XKRX: variants seen among roughly 807,000 people sequenced by gnomAD.
XKRX encodes the protein XK related X-linked.
Under a neutral mutation model 22.4 loss-of-function variants are expected in XKRX, and 11 were observed. That is an observed-to-expected ratio of 0.49 (90% CI 0.31 to 0.81). The LOEUF is 0.81. Ranked by LOEUF, XKRX falls within the 40% of genes least tolerant of loss-of-function variation. The pLI, the probability that XKRX is intolerant of heterozygous loss-of-function variation, is 0.05. For missense variants in XKRX, 320 were observed against 336.5 expected (o/e 0.95, Z 0.38); for synonymous variants, 114 against 132.2 (o/e 0.86, Z 0.94).
the XKRX span, among the ~76,000 whole-genome samples, chrX:100,952,434 C>A: frequency 1.8e-5 from 2 of 109,595 alleles, no homozygotes; most frequent in Non-Finnish European, 1.9e-5. Context: ...ATGCTTTCTC[C>A]AAAGATCAGA....
At position 100,922,809 on chromosome X, in the gene XKRX, C is replaced by A. The variant is rs758740476; in HGVS notation, c.588G>T (p.Glu196Asp). 1 of 1,211,408 alleles carries A rather than the reference C, an allele frequency of 8.3e-7. No individual in the cohort carries two copies. Among genetic ancestry groups the A allele is most frequent in the Admixed American group, 2.2e-5 (1 of 45,995 alleles). Residue 196 changes from glutamate (E) to aspartate (D), a missense_variant, in exon 2 of 3, where the codon GAG becomes GAT. Transcript: ENST00000372956. ...CCCACTCACCTCTACCCAGGGGAAC[C>A]TCTGCAGAGATCAGGCTCACATAGA... ...YQLYVSLISAEVPLGRVVLMV... is the reference protein window; with the variant it reads ...YQLYVSLISADVPLGRVVLMV...
At chrX:100,937,477 A>T in the XKRX span, among the ~76,000 whole-genome samples, 1 of 112,093 alleles carries the variant, frequency 8.9e-6, no homozygotes, top group Admixed American at 9.5e-5. Flanking sequence ...ACTTGAGGGC[A>T]GAGAAGGACT....
chrX:100,911,352 C>T (rs1182668155), downstream of XKRX: 2 of 832,545 alleles, frequency 2.4e-6, no homozygotes, highest in African/African-American at 4.0e-5. Flanking sequence ...GGTGTTATTA[C>T]CAAAGGTACT....
At chrX:100,904,864 C>T in the XKRX span, among the ~76,000 whole-genome samples, 1 of 112,044 alleles carries the variant, frequency 8.9e-6, no homozygotes, top group Non-Finnish European at 1.9e-5. Context: ...AGGGCTGGAG[C>T]CCAAAGCCAA....
chrX:100,894,189 C>T, the XKRX span, among the ~76,000 whole-genome samples: 2 of 111,565 alleles, frequency 1.8e-5, no homozygotes, highest in African/African-American at 6.5e-5. Flanking sequence ...ATTGCTTGAA[C>T]CCGGCAGGGG....
the XKRX span, among the ~76,000 whole-genome samples, chrX:100,890,323 T>C: frequency 9.0e-6 from 1 of 110,974 alleles, no homozygotes; most frequent in Non-Finnish European, 1.9e-5. Flanking sequence ...ATTGTCAGAC[T>C]GAATTCTATG....
At chrX:100,948,519 C>G in the XKRX span, among the ~76,000 whole-genome samples, 1 of 112,052 alleles carries the variant, frequency 8.9e-6, no homozygotes, top group East Asian at 2.8e-4. Flanking sequence ...GCTGGAGAAG[C>G]CTGCAACCTG....
At chrX:100,956,799 T>A in the XKRX span, 1 of 574,045 alleles carries the variant, frequency 1.7e-6, no homozygotes, top group Non-Finnish European at 3.1e-6. Context: ...TCAGGGAGGT[T>A]TGTATTCATC....
the XKRX span, chrX:100,888,090 G>T: frequency 1.6e-5 from 19 of 1,157,547 alleles, no homozygotes; most frequent in Admixed American, 1.5e-4. Flanking sequence ...GCCATTCACA[G>T]TATGGTATTT....
At chrX:100,891,976 T>C in the XKRX span, among the ~76,000 whole-genome samples, 1 of 111,146 alleles carries the variant, frequency 9.0e-6, no homozygotes, top group Non-Finnish European at 1.9e-5. Flanking sequence ...TTCTTGACAT[T>C]GGTCTAGACA....
the XKRX span, among the ~76,000 whole-genome samples, chrX:100,949,383 AG>A: frequency 4.8e-5 from 2 of 42,002 alleles, no homozygotes; most frequent in Non-Finnish European, 1.1e-4. Context: ...TTTTTTTGAG[AG>A]AGACGGAGTC....
At chrX:100,919,654 C>T (rs1233182812) in intron 2 of XKRX, among the ~76,000 whole-genome samples, 1 of 111,749 alleles carries the variant, frequency 8.9e-6, no homozygotes, top group East Asian at 2.8e-4. Flanking sequence ...AAAAGATGCT[C>T]AGCTTCATTC....
the XKRX span, among the ~76,000 whole-genome samples, chrX:100,900,539 C>T: frequency 9.1e-6 from 1 of 109,870 alleles, no homozygotes; most frequent in Non-Finnish European, 1.9e-5. Flanking sequence ...TGGTGGCTCA[C>T]ACCTAAAATC....
the XKRX span, among the ~76,000 whole-genome samples, chrX:100,945,289 C>CACACACACAT: frequency 0.042 from 4,111 of 98,500 alleles, 230 homozygotes; most frequent in Non-Finnish European, 0.065. Flanking sequence ...CACACACACA[C>CACACACACAT]AGTTTATTTT....
At chrX:100,939,547 G>T in the XKRX span, among the ~76,000 whole-genome samples, 13 of 111,704 alleles carry the variant, frequency 1.2e-4, no homozygotes, top group Admixed American at 1.1e-3. Flanking sequence ...AGAAGCCTCT[G>T]TGTCAGTGAG....
chrX:100,947,597 A>C, the XKRX span, among the ~76,000 whole-genome samples: 1 of 112,287 alleles, frequency 8.9e-6, no homozygotes, highest in South Asian at 3.7e-4. Flanking sequence ...TTGTACATGA[A>C]AGCTTTTCAG....
In XKRX at chrX:100,928,657, G is replaced by C. The variant is rs978266973; in HGVS notation, c.-353C>G. The C allele has an allele frequency of 4.2e-5, 34 of 805,204 alleles. No individual in the cohort carries two copies. Among genetic ancestry groups the C allele is most frequent in the Non-Finnish European group, 4.9e-5 (33 of 674,169 alleles). 66.4% of individuals were successfully genotyped at this position (805,204 alleles called of 1,213,427 possible). ...GGACGTGAAGAGTCATGAGAACAGCGGCTTCCGTGGCGGCTCCTTTCGCAG... is the reference window on the plus strand; with the variant it reads ...GGACGTGAAGAGTCATGAGAACAGCCGCTTCCGTGGCGGCTCCTTTCGCAG... On this transcript the variant is annotated 5_prime_UTR_variant, in exon 1 of 3. Transcript: ENST00000372956.
chrX:100,956,568 G>A, the XKRX span: 1 of 439,458 alleles, frequency 2.3e-6, no homozygotes, highest in Middle Eastern at 3.8e-4. Context: ...GAGGTGAGGG[G>A]AGTGGATAGG....
the XKRX span, among the ~76,000 whole-genome samples, chrX:100,905,596 A>C: frequency 2.7e-5 from 3 of 112,399 alleles, no homozygotes; most frequent in African/African-American, 9.7e-5. Flanking sequence ...AAAAGCTTGA[A>C]ACATTTTCCT....
Sources: gnomAD v4.1 joint callset for allele counts (sites outside exome capture counted in the v4.1 genomes callset) on GRCh38, gnomAD v4.1.1 for gene constraint, MANE v1.5 for transcripts, NCBI Gene and HGNC (gene_info 2026-07-23, HGNC 2026-07-21) for gene names.